Variants in METTL21A observed in about 807,000 individuals in gnomAD.
METTL21A encodes the protein protein N-lysine methyltransferase METTL21A.
In METTL21A, 22 loss-of-function variants were observed where a neutral mutation model predicts 20.9. The observed-to-expected ratio is 1.05, with a 90% CI of 0.75 to 1.50. METTL21A has a LOEUF of 1.50. METTL21A is among the 40% of genes most tolerant of loss of function. The pLI, the probability that METTL21A is intolerant of heterozygous loss-of-function variation, is 0.00. For missense variants in METTL21A, 271 were observed against 266.8 expected, an observed-to-expected ratio of 1.02 and a Z score of -0.11; for synonymous variants, 93 against 102.0, an observed-to-expected ratio of 0.91 and a Z score of 0.53.
chr2:207,618,073 G>C (rs2090007376), intron 3 of METTL21A, among the ~76,000 whole-genome samples: 1 of 152,180 alleles, frequency 6.6e-6, no homozygotes, highest in South Asian at 2.1e-4. Context: ...GTTCAGCTGA[G>C]ATTTGCACTC....
chr2:207,621,060 G>A (rs1400266060), intron 3 of METTL21A, among the ~76,000 whole-genome samples: 2 of 152,120 alleles, frequency 1.3e-5, no homozygotes, highest in Non-Finnish European at 2.9e-5. Context: ...AAGAGCACCA[G>A]GTGACAATAT....
intron 2 of METTL21A, among the ~76,000 whole-genome samples, chr2:207,622,535 A>G (rs184011920): frequency 4.6e-5 from 7 of 152,252 alleles, no homozygotes; most frequent in Admixed American, 4.6e-4. Context: ...AAGAACTGAC[A>G]TGAACAATTT....
intron 3 of METTL21A, among the ~76,000 whole-genome samples, chr2:207,595,848 C>T (rs1015117721): frequency 6.6e-6 from 1 of 152,180 alleles, no homozygotes; most frequent in Non-Finnish European, 1.5e-5. Context: ...GGATTATAGG[C>T]GTGAGCCATA....
chr2:207,588,400 G>T (rs1273876176), intron 3 of METTL21A, among the ~76,000 whole-genome samples: 1 of 152,032 alleles, frequency 6.6e-6, no homozygotes, highest in Non-Finnish European at 1.5e-5. Flanking sequence ...CTTTGTGTCT[G>T]TCCTTTAGCC....
chr2:207,597,544 T>A lies in METTL21A; in HGVS notation c.260-15384A>T, dbSNP rs535819888. 5.6e-5 allele frequency: 12 copies of A among 212,402 alleles called. No individual in the cohort carries two copies. In the South Asian group the frequency reaches 2.1e-3, roughly 37 times the overall value. 13.2% of individuals were successfully genotyped at this position (212,402 alleles called of 1,614,324 possible). ...AATTGACATGTTGTCACATTCTCAT[T>A]GTGAATTATGTAAAGTTGTTAAGAG... On this transcript the variant is annotated intron_variant, in intron 3 of 3. Coordinates refer to the METTL21A transcript ENST00000425132.
At chr2:207,618,490 G>A (rs1365789346) in intron 3 of METTL21A, among the ~76,000 whole-genome samples, 1 of 152,130 alleles carries the variant, frequency 6.6e-6, no homozygotes, top group African/African-American at 2.4e-5. Flanking sequence ...CACAAGGTCA[G>A]GAGTTCAAGA....
intron 3 of METTL21A, among the ~76,000 whole-genome samples, chr2:207,603,897 A>G (rs1180028497): frequency 1.3e-5 from 2 of 152,244 alleles, no homozygotes; most frequent in South Asian, 2.1e-4. Flanking sequence ...ATAAGTTCTG[A>G]GACGAGACAT....
At chr2:207,610,787 G>A (rs1272609622), downstream of METTL21A, 1 of 32,182 alleles carries the variant, frequency 3.1e-5, no homozygotes, top group African/African-American at 1.3e-4. Context: ...GTCCGGGAGG[G>A]AGGTGGGGGG....
Position 207,584,561 on chromosome 2 carries a change from C to G in METTL21A, c.260-2401G>C, listed in dbSNP as rs527613886. Among the ~76,000 whole-genome samples, 17 of 152,204 alleles carry G rather than the reference C, an allele frequency of 1.1e-4. No individual in the cohort carries two copies. The South Asian group carries it at 3.5e-3, about 32-fold the overall frequency. ...TCAGGATTACAGGCACCTGCCACCA[C>G]GTCTGATTTTTTGTATTTTTAGTAG... On this transcript the variant is annotated intron_variant, in intron 3 of 3. Transcript: ENST00000425132.
In METTL21A at chr2:207,622,555, T is replaced by TTTAA. The variant is rs543575752; in HGVS notation, c.148-639_148-638insTTAA. On this transcript the variant is annotated intron_variant, in intron 2 of 3. Transcript: ENST00000406927. ...CTGACATGAACAATTTCTATGATTTTGTTTAAGGGAATGCCCAGTTCCTAA... is the reference window on the plus strand; with the variant it reads ...CTGACATGAACAATTTCTATGATTTTTTAAGTTTAAGGGAATGCCCAGTTCCTAA... 5.3e-3 allele frequency among the ~76,000 whole-genome samples: 814 copies of TTTAA among 152,356 alleles called. 3 individuals are homozygous for TTTAA. The highest frequency in any genetic ancestry group is 8.2e-3 in the Non-Finnish European group (561 of 68,036).
At chr2:207,587,817 G>C (rs1435094118) in intron 3 of METTL21A, among the ~76,000 whole-genome samples, 1 of 152,152 alleles carries the variant, frequency 6.6e-6, no homozygotes, top group Non-Finnish European at 1.5e-5. Flanking sequence ...GGGAGCATGG[G>C]GAGAGGTTGG....
At chr2:207,624,426 G>A in intron 1 of METTL21A, 22 bp from the exon 2 acceptor site, 1 of 1,569,536 alleles carries the variant, frequency 6.4e-7, no homozygotes, top group Non-Finnish European at 8.6e-7. Flanking sequence ...AAGAATCCTG[G>A]GTGACGCTCT....
intron 3 of METTL21A, among the ~76,000 whole-genome samples, chr2:207,621,262 T>C (rs1037279450): frequency 1.3e-5 from 2 of 152,158 alleles, no homozygotes; most frequent in African/African-American, 4.8e-5. Context: ...ATGACAAACT[T>C]TGATATCAAG....
intron 3 of METTL21A, among the ~76,000 whole-genome samples, chr2:207,586,743 G>T (rs2083912571): frequency 6.6e-6 from 1 of 151,984 alleles, no homozygotes; most frequent in Admixed American, 6.5e-5. Flanking sequence ...TGGACAAAAG[G>T]TCTGAATAGA....
chr2:207,613,039 T>C (rs1258470489), exon 4 of METTL21A: 2 of 1,539,076 alleles, frequency 1.3e-6, no homozygotes, highest in African/African-American at 1.4e-5. Context: ...TTATAAATTA[T>C]AGCCAATTAT....
At chr2:207,589,007 G>A (rs1268458922) in intron 3 of METTL21A, among the ~76,000 whole-genome samples, 3 of 151,704 alleles carry the variant, frequency 2.0e-5, no homozygotes, top group African/African-American at 7.3e-5. Flanking sequence ...TTATTGCAAT[G>A]TCTAGGACTT....
At chr2:207,582,551 C>G (rs1477617399) in intron 3 of METTL21A, among the ~76,000 whole-genome samples, 1 of 152,036 alleles carries the variant, frequency 6.6e-6, no homozygotes, top group African/African-American at 2.4e-5. Flanking sequence ...TCTTCTGTGT[C>G]CTTTTGACAT....
At chr2:207,597,225 G>A in intron 3 of METTL21A, 2 of 698,360 alleles carry the variant, frequency 2.9e-6, no homozygotes, top group Non-Finnish European at 2.2e-6. Context: ...GCATTAAACT[G>A]TGAATGTTCC....
chr2:207,625,490 G>C (rs1200587364), upstream of METTL21A: 2 of 152,284 alleles, frequency 1.3e-5, no homozygotes, highest in African/African-American at 2.4e-5. Context: ...GTTGCGGGAG[G>C]GGGGACCGGG....
Sources: gnomAD v4.1 joint callset for allele counts (sites outside exome capture counted in the v4.1 genomes callset) on GRCh38, gnomAD v4.1.1 for gene constraint, MANE v1.5 for transcripts, NCBI Gene and HGNC (gene_info 2026-07-23, HGNC 2026-07-21) for gene names.